The following ACTR3C variants were observed in gnomAD, a reference collection of about 807,000 sequenced individuals.
The protein encoded by ACTR3C is actin related protein 3C.
ACTR3C carries 18 observed loss-of-function variants against 26.3 expected under a neutral mutation model. The ratio of observed to expected loss-of-function variants is 0.68; its 90% confidence interval spans 0.47 to 1.01. The LOEUF is 1.01. Among genes scored for constraint, ACTR3C ranks in the 50% least tolerant of loss-of-function variants. The pLI is 0.00. For synonymous variants in ACTR3C, 55 were observed against 94.5 expected, an observed-to-expected ratio of 0.58 and a Z score of 2.42; for missense variants, 184 against 250.7, an observed-to-expected ratio of 0.73 and a Z score of 1.80.
chr7:150,000,035 C>A, the ACTR3C span, among the ~76,000 whole-genome samples: 1 of 149,154 alleles, frequency 6.7e-6, no homozygotes, highest in Non-Finnish European at 1.5e-5. Context: ...GACAGCCAAT[C>A]TAGTATAGTC....
the ACTR3C span, among the ~76,000 whole-genome samples, chr7:150,138,457 C>G: frequency 0.11 from 16,248 of 152,002 alleles, 889 homozygotes; most frequent in Non-Finnish European, 0.13. Context: ...TTTCACAGGA[C>G]TAGTCTTCAA....
the ACTR3C span, among the ~76,000 whole-genome samples, chr7:150,175,769 C>A: frequency 7.1e-6 from 1 of 140,542 alleles, no homozygotes; most frequent in Non-Finnish European, 1.5e-5. Context: ...GAGCCAAGAT[C>A]CTGCCATTGC....
the ACTR3C span, among the ~76,000 whole-genome samples, chr7:150,196,390 T>C: frequency 6.6e-6 from 1 of 152,264 alleles, no homozygotes; most frequent in Non-Finnish European, 1.5e-5. Flanking sequence ...GATGAACATG[T>C]CAAAAGTGTA....
At chr7:150,162,155 G>A in the ACTR3C span, among the ~76,000 whole-genome samples, 1 of 152,210 alleles carries the variant, frequency 6.6e-6, no homozygotes, top group Admixed American at 6.5e-5. Flanking sequence ...TTAATAAGCT[G>A]AAAGGAAAAT....
the ACTR3C span, among the ~76,000 whole-genome samples, chr7:150,004,046 T>C: frequency 6.6e-6 from 1 of 152,176 alleles, no homozygotes; most frequent in East Asian, 1.9e-4. Flanking sequence ...GTATGGTGTG[T>C]ATGATGTATG....
At chr7:150,024,712 T>C in the ACTR3C span, among the ~76,000 whole-genome samples, 109,753 of 116,096 alleles carry the variant, frequency 0.95, 52,237 homozygotes, top group East Asian at 1. Flanking sequence ...ATTGATGTCC[T>C]GTAATATCAG....
chr7:149,973,788 C>A, the ACTR3C span, among the ~76,000 whole-genome samples: 1 of 150,732 alleles, frequency 6.6e-6, no homozygotes. Flanking sequence ...CCCTTTGATA[C>A]GATTCTGATT....
the ACTR3C span, among the ~76,000 whole-genome samples, chr7:149,909,029 G>A: frequency 0.092 from 13,902 of 151,284 alleles, 806 homozygotes; most frequent in East Asian, 0.17. Context: ...TGATCCACCC[G>A]CCTCAGCCTC....
the ACTR3C span, among the ~76,000 whole-genome samples, chr7:149,948,442 T>C: frequency 0.014 from 2,119 of 150,520 alleles, no homozygotes; most frequent in African/African-American, 0.051. Context: ...ACAAATCCTG[T>C]GCACACGGTC....
At chr7:149,990,553 G>T in the ACTR3C span, among the ~76,000 whole-genome samples, 1 of 128,896 alleles carries the variant, frequency 7.8e-6, no homozygotes, top group South Asian at 3.0e-4. Context: ...GAGATGCAGA[G>T]ACCAGACCTA....
intron 6 of ACTR3C, among the ~76,000 whole-genome samples, chr7:150,275,476 C>G (rs1172566116): frequency 2.0e-5 from 3 of 152,150 alleles, no homozygotes; most frequent in African/African-American, 7.2e-5. Context: ...TTCGGGAGGC[C>G]GAGGCAGGCA....
At chr7:150,097,176 G>T in the ACTR3C span, among the ~76,000 whole-genome samples, 2 of 151,814 alleles carry the variant, frequency 1.3e-5, no homozygotes, top group African/African-American at 2.4e-5. Context: ...CACTAGCAAA[G>T]ACATCCCCAA....
chr7:150,257,059 G>T (rs1426157377), intron 6 of ACTR3C, among the ~76,000 whole-genome samples: 1 of 152,148 alleles, frequency 6.6e-6, no homozygotes, highest in Admixed American at 6.5e-5. Context: ...AAATACTTAT[G>T]GAGAAAACTG....
chr7:150,308,030 G>A (rs772011120), intron 1 of ACTR3C, among the ~76,000 whole-genome samples: 8 of 152,092 alleles, frequency 5.3e-5, no homozygotes, highest in African/African-American at 1.9e-4. Context: ...TCACAGACTC[G>A]GGAAGACAGT....
chr7:150,014,646 T>C, the ACTR3C span, among the ~76,000 whole-genome samples: 1 of 150,128 alleles, frequency 6.7e-6, no homozygotes, highest in African/African-American at 2.4e-5. Flanking sequence ...TGAGCCATTA[T>C]GCTGCCTCTG....
At chr7:150,126,536 G>T in the ACTR3C span, among the ~76,000 whole-genome samples, 4 of 152,164 alleles carry the variant, frequency 2.6e-5, no homozygotes, top group African/African-American at 4.8e-5. Flanking sequence ...TGCTTGCCGG[G>T]CATCTGCCAC....
chr7:149,899,899 A>C, the ACTR3C span, among the ~76,000 whole-genome samples: 3 of 41,470 alleles, frequency 7.2e-5, no homozygotes, highest in Non-Finnish European at 3.0e-4. Flanking sequence ...AAAACTAAAG[A>C]CCAAAAAAAA....
the ACTR3C span, among the ~76,000 whole-genome samples, chr7:149,931,932 A>G: frequency 6.6e-5 from 10 of 152,234 alleles, no homozygotes; most frequent in African/African-American, 1.9e-4. Context: ...CTCCTCTTTC[A>G]TTCTGAGGAA....
At chr7:150,078,802 G>T in the ACTR3C span, among the ~76,000 whole-genome samples, 2 of 152,318 alleles carry the variant, frequency 1.3e-5, no homozygotes, top group Middle Eastern at 6.8e-3. Context: ...CACCAACATA[G>T]GTGGGTGTCA....
Sources: gnomAD v4.1 joint callset for allele counts (sites outside exome capture counted in the v4.1 genomes callset) on GRCh38, gnomAD v4.1.1 for gene constraint, MANE v1.5 for transcripts, NCBI Gene and HGNC (gene_info 2026-07-23, HGNC 2026-07-21) for gene names.